SH2D3A: variants seen among roughly 807,000 people sequenced by gnomAD.
SH2D3A encodes the protein SH2 domain containing 3A.
In SH2D3A, 46 loss-of-function variants were observed where a neutral mutation model predicts 50.6. The ratio of observed to expected loss-of-function variants is 0.91; its 90% CI spans 0.72 to 1.16. SH2D3A has a LOEUF of 1.16. SH2D3A is among the 50% of genes most tolerant of loss of function. SH2D3A has a pLI of 0.00. For synonymous variants in SH2D3A, 377 were observed against 348.4 expected (o/e 1.08, Z -0.91); for missense variants, 783 against 786.2 (o/e 1.00, Z 0.05).
chr19:6,757,271 A>G (rs1969740903), intron 4 of SH2D3A: 1 of 148,846 alleles, frequency 6.7e-6, no homozygotes, highest in Non-Finnish European at 1.5e-5. Flanking sequence ...TTTTTTTAAG[A>G]AGAAATTGAG....
chr19:6,758,729 T>C (rs1969839881), intron 4 of SH2D3A: 1 of 152,208 alleles, frequency 6.6e-6, no homozygotes, highest in Non-Finnish European at 1.5e-5. Context: ...CTCTTTCTGG[T>C]TTGTTGATGT....
rs1440561489 is a variant in SH2D3A, at chr19:6,752,676, C to T, written c.1648G>A (p.Ala550Thr). The change falls in exon 10 of 10, where the codon GCG becomes ACG. Residue 550 changes from alanine to threonine, a missense_variant. Physicochemically the swap from Ala to Thr is moderately conservative, Grantham distance 58. Transcript: ENST00000245908. ...VRRLLWGSRG[A>T]GAPRAERFEK... ...AAGCGTTCAGCGCGCGGAGCTCCCG[C>T]GCCCCGGCTACCCCAGAGCAGCCTC... 1.3e-6 allele frequency: 2 copies of T among 1,552,988 alleles called. No homozygotes were observed. Among genetic ancestry groups the T allele is most frequent in the African/African-American group, 2.7e-5 (2 of 73,248 alleles).
At position 6,752,601 on chromosome 19, in the gene SH2D3A, C is replaced by A; in HGVS notation, c.1723G>T (p.Asp575Tyr). 6.5e-7 allele frequency: 1 copy of A among 1,550,050 alleles called. No homozygotes were observed. The highest frequency in any genetic ancestry group is 1.4e-5 in the African/African-American group (1 of 73,658). The change falls in exon 10 of 10, where the codon GAC (aspartate) becomes TAC (tyrosine). Residue 575 changes from aspartate to tyrosine, a missense_variant. Coordinates refer to ENST00000245908, the MANE Select transcript of SH2D3A (RefSeq NM_005490.3). ...GAAGGGTGTCTGCGCTCTCAGCGGT[C>A]AGGCTCCAGGCGCTGCGACAGGACG... ...LGVLSQRLEP[D>Y]R
At chr19:6,754,587 C>G (rs765404807) in intron 6 of SH2D3A, 29 bp downstream of exon 6, 2 of 1,613,628 alleles carry the variant, frequency 1.2e-6, no homozygotes, top group Non-Finnish European at 8.5e-7. Flanking sequence ...TTGGCCTCCC[C>G]CAACCAAGAT....
At chr19:6,762,861 G>T (rs1246458471) in intron 2 of SH2D3A, among the ~76,000 whole-genome samples, 1 of 151,684 alleles carries the variant, frequency 6.6e-6, no homozygotes, top group African/African-American at 2.4e-5. Flanking sequence ...GGCCCAGAGA[G>T]GTCAAATGTC....
chr19:6,753,653 GA>G lies in SH2D3A; in HGVS notation c.1385-13del. 6.4e-7 allele frequency: 1 copy of G among 1,553,298 alleles called. No individual in the cohort carries two copies. Among genetic ancestry groups the G allele is most frequent in the Non-Finnish European group, 8.7e-7 (1 of 1,151,150 alleles). On this transcript the variant is annotated splice_polypyrimidine_tract_variant and intron_variant, in intron 8 of 9. Coordinates refer to ENST00000245908, the MANE Select transcript of SH2D3A (RefSeq NM_005490.3). ...GGGGTCGCAGGGTCCTGCGGAGGGG[GA>G]GGGTCTGATCAGGGTTTGGGGCTGT...
chr19:6,757,304 T>C lies in SH2D3A; in HGVS notation c.497-1989A>G, dbSNP rs1323371949. On this transcript the variant is annotated intron_variant, in intron 4 of 9. Transcript: ENST00000245908. ...GAGCCATTGCACCCAGCCCTTTCTTTTCTTCTTCTTTTTTTTTTTTTTTTT... is the reference window on the plus strand; with the variant it reads ...GAGCCATTGCACCCAGCCCTTTCTTCTCTTCTTCTTTTTTTTTTTTTTTTT... The C allele has an allele frequency of 2.0e-5, 3 of 148,008 alleles. No homozygotes were observed. In the East Asian group the frequency reaches 5.8e-4, roughly 29 times the overall value. 9.2% of individuals were successfully genotyped at this position (148,008 alleles called of 1,614,324 possible).
At position 6,752,491 on chromosome 19, in the gene SH2D3A, G is replaced by T; in HGVS notation, c.*102C>A. 1.7e-6 allele frequency: 2 copies of T among 1,166,992 alleles called. No homozygotes were observed. The highest frequency in any genetic ancestry group is 2.3e-6 in the Non-Finnish European group (2 of 872,412). The allele number at this position is 1,166,992 out of a possible 1,614,324, so 72.3% of individuals were successfully genotyped here. Reference sequence around the variant, plus strand: ...ACCTCTTCTGTGAGGCACAGGGCAGGATTCCACCTGAGGCGCGAGGAGCCT... The same window carrying T: ...ACCTCTTCTGTGAGGCACAGGGCAGTATTCCACCTGAGGCGCGAGGAGCCT... On this transcript the variant is annotated 3_prime_UTR_variant, in exon 10 of 10. Transcript: ENST00000245908.
chr19:6,752,646 TC>T lies in SH2D3A; in HGVS notation c.1677del (p.Lys560SerfsTer97). 1 of 1,559,110 alleles carries T rather than the reference TC, an allele frequency of 6.4e-7. No individual in the cohort carries two copies. Among genetic ancestry groups the T allele is most frequent in the Non-Finnish European group, 8.7e-7 (1 of 1,151,682 alleles). On this transcript the variant is annotated frameshift_variant, in exon 10 of 10. Coordinates refer to ENST00000245908, the MANE Select transcript of SH2D3A (RefSeq NM_005490.3). LOFTEE classifies it high-confidence loss of function. ...GAGAPRAERF[E>X]KFQRVLGVLS... Reference sequence around the variant, plus strand: ...AGGACGCCGAGGACGCGCTGGAACTTCTCAAAGCGTTCAGCGCGCGGAGCTC... The same window carrying T: ...AGGACGCCGAGGACGCGCTGGAACTTTCAAAGCGTTCAGCGCGCGGAGCTC...
chr19:6,761,673 C>T (rs746496648), intron 2 of SH2D3A, among the ~76,000 whole-genome samples: 9 of 152,114 alleles, frequency 5.9e-5, no homozygotes, highest in Non-Finnish European at 1.0e-4. Context: ...AAGGGTGGGG[C>T]ACAGTGGCTC....
chr19:6,756,579 G>A lies in SH2D3A; in HGVS notation c.497-1264C>T, dbSNP rs893322302. On this transcript the variant is annotated intron_variant, in intron 4 of 9. Transcript: ENST00000245908. ...CCCTCATCGTAAACTTTCAAATGACGTCCTTTGTAAGTTGGTGGCATGTTG... is the reference window on the plus strand; with the variant it reads ...CCCTCATCGTAAACTTTCAAATGACATCCTTTGTAAGTTGGTGGCATGTTG... Among the ~76,000 whole-genome samples the A allele has an allele frequency of 3.3e-5, 5 of 151,908 alleles. No individual in the cohort carries two copies. In the South Asian group the frequency reaches 6.2e-4, roughly 19 times the overall value.
At chr19:6,760,461 G>A (rs1190905238) in intron 3 of SH2D3A, among the ~76,000 whole-genome samples, 177 bp downstream of exon 3, 2 of 152,158 alleles carry the variant, frequency 1.3e-5, no homozygotes, top group Non-Finnish European at 2.9e-5. Context: ...TGGAGGCTGA[G>A]GCAGGAGAAT....
At position 6,754,338 on chromosome 19, in the gene SH2D3A, C is replaced by CA; in HGVS notation, c.1184dup (p.Val396GlyfsTer52). 1 of 1,575,366 alleles carries CA rather than the reference C, an allele frequency of 6.3e-7. No homozygotes were observed. The highest frequency in any genetic ancestry group is 8.6e-7 in the Non-Finnish European group (1 of 1,167,224). ...GCCGCAGCGCCAGCGCCAGCTCTAC[C>CA]AGTCCCCTCAGTGCGGCTGCGCGCT... On this transcript the variant is annotated frameshift_variant, in exon 7 of 10. Transcript: ENST00000245908. LOFTEE classifies it high-confidence loss of function.
intron 1 of SH2D3A, 87 bp from the exon 2 acceptor site, chr19:6,763,903 A>C (rs28713318): frequency 3.7e-6 from 1 of 266,772 alleles, no homozygotes; most frequent in Non-Finnish European, 6.9e-6. Flanking sequence ...GCTCCATCAA[A>C]TCTTTTTTTT....
At chr19:6,753,965 T>G in intron 8 of SH2D3A, 87 bp downstream of exon 8, 1 of 1,432,076 alleles carries the variant, frequency 7.0e-7, no homozygotes, top group Non-Finnish European at 9.3e-7. Context: ...CTAGAACAGA[T>G]GCAGGGACTG....
chr19:6,754,401 C>A lies in SH2D3A; in HGVS notation c.1122G>T (p.Gly374=), dbSNP rs1374929132. Reference sequence around the variant, plus strand: ...CCGAGCAGCCCAGCACCGCCAGCGCCCCGGCCAGCGCCAGTGTCTGATGCC... The same window carrying A: ...CCGAGCAGCCCAGCACCGCCAGCGCACCGGCCAGCGCCAGTGTCTGATGCC... ...LERHQTLALA[G]ALAVLGCSGP... Residue 374 remains glycine (G), a synonymous_variant, in exon 7 of 10, where the codon GGG becomes GGT. Transcript: ENST00000245908. 6.6e-7 allele frequency: 1 copy of A among 1,525,958 alleles called. No homozygotes were observed. Among genetic ancestry groups the A allele is most frequent in the Non-Finnish European group, 8.7e-7 (1 of 1,148,126 alleles). 94.5% of individuals were successfully genotyped at this position (1,525,958 alleles called of 1,614,324 possible).
chr19:6,759,665 C>T lies in SH2D3A; in HGVS notation c.425G>A (p.Arg142Lys). 1 of 1,613,774 alleles carries T rather than the reference C, an allele frequency of 6.2e-7. No homozygotes were observed. Among genetic ancestry groups the T allele is most frequent in the Non-Finnish European group, 8.5e-7 (1 of 1,179,788 alleles). ...TGCAGGCTGACTGTTGCTCCACTTC[C>T]TTGCCCTGGGGGACAGAAGTGGGAG... ...GPARIEPLRA[R>K]KWSNSQPADL... The change falls in exon 4 of 10, where the codon AGG becomes AAG. Residue 142 changes from arginine (R) to lysine (K), a missense_variant. Arg to Lys is a conservative substitution (Grantham distance 26). Coordinates refer to ENST00000245908, the MANE Select transcript of SH2D3A (RefSeq NM_005490.3).
Position 6,752,780 on chromosome 19 carries a change from G to T in SH2D3A, c.1571-27C>A, listed in dbSNP as rs748682868. The T allele has an allele frequency of 2.0e-6, 3 of 1,500,594 alleles. No individual in the cohort carries two copies. In the African/African-American group the frequency reaches 4.2e-5, roughly 21 times the overall value. 93.0% of individuals were successfully genotyped at this position (1,500,594 alleles called of 1,614,324 possible). On this transcript the variant is annotated intron_variant, in intron 9 of 9. Transcript: ENST00000245908. ...TGGAAGCAAGGTCAGGTGGGCTGGG[G>T]GCGGGGCCCAGGCGCCCGCCTCGCC...
chr19:6,765,923 C>T (rs1341378971), intron 1 of SH2D3A, among the ~76,000 whole-genome samples: 1 of 152,102 alleles, frequency 6.6e-6, no homozygotes, highest in Non-Finnish European at 1.5e-5. Context: ...GGTAGTTTCC[C>T]GATAATCTCA....
Sources: gnomAD v4.1 joint callset for allele counts (sites outside exome capture counted in the v4.1 genomes callset) on GRCh38, gnomAD v4.1.1 for gene constraint, MANE v1.5 for transcripts, NCBI Gene and HGNC (gene_info 2026-07-23, HGNC 2026-07-21) for gene names.